COL25A1: variants seen among roughly 807,000 people sequenced by gnomAD.
COL25A1 encodes collagen alpha-1(XXV) chain.
A neutral mutation model predicts 128.4 loss-of-function variants in COL25A1; 103 were observed. The ratio of observed to expected loss-of-function variants is 0.80; its 90% confidence interval spans 0.68 to 0.94. COL25A1 has a LOEUF of 0.94. COL25A1 is among the 40% of genes least tolerant of loss of function. The probability of loss-of-function intolerance (pLI) is 0.00; values close to 1 mark genes in which losing one functional copy is unlikely to be tolerated. For missense variants in COL25A1, 745 were observed against 840.0 expected (o/e 0.89, Z 1.40); for synonymous variants, 279 against 277.2 (o/e 1.01, Z -0.06).
intron 3 of COL25A1, among the ~76,000 whole-genome samples, chr4:109,092,988 C>T (rs896065199): frequency 6.6e-6 from 1 of 151,940 alleles, no homozygotes; most frequent in Non-Finnish European, 1.5e-5. Flanking sequence ...AAAAATTTAC[C>T]TCTGCCAACT....
chr4:108,826,192 A>G (rs1026197477), intron 33 of COL25A1, among the ~76,000 whole-genome samples: 2 of 152,168 alleles, frequency 1.3e-5, no homozygotes, highest in Non-Finnish European at 2.9e-5. Context: ...AATTATTCCC[A>G]AGATGATATT....
intron 3 of COL25A1, among the ~76,000 whole-genome samples, chr4:109,245,991 C>T (rs1780231785): frequency 7.2e-6 from 1 of 138,818 alleles, no homozygotes; most frequent in South Asian, 2.3e-4. Flanking sequence ...GTAGAGGAAC[C>T]TCTAGTTGCT....
chr4:109,052,490 G>A (rs993719860), intron 3 of COL25A1, among the ~76,000 whole-genome samples: 1 of 152,120 alleles, frequency 6.6e-6, no homozygotes, highest in African/African-American at 2.4e-5. Context: ...GTTATGAGAA[G>A]ATGGAATCTA....
chr4:109,058,617 G>T (rs550666707), intron 3 of COL25A1, among the ~76,000 whole-genome samples: 1 of 152,208 alleles, frequency 6.6e-6, no homozygotes, highest in African/African-American at 2.4e-5. Context: ...ATTTATCAGA[G>T]ATTGAAATAA....
rs58157157 is a variant in COL25A1 at position 108,886,492 on chromosome 4, G to GTGTT, written c.976-2271_976-2270insAACA. ...TGTGTGTGTGTGTGTGTGTGTGTGT[G>GTGTT]TTTAGCTCATCAGCTATTTTATGTG... is the stretch of plus-strand genomic sequence containing the variant. On this transcript the variant is annotated intron_variant, in intron 18 of 37. Coordinates refer to ENST00000399132, the MANE Select transcript of COL25A1 (RefSeq NM_198721.4). Among the ~76,000 whole-genome samples the GTGTT allele has an allele frequency of 5.3e-3, 578 of 109,254 alleles. 25 individuals are homozygous for GTGTT. Among genetic ancestry groups the GTGTT allele is most frequent in the Middle Eastern group, 0.034 (8 of 232 alleles). The allele number at this position is 109,254 out of a possible 152,430, so 71.7% of individuals were successfully genotyped here. A position where few individuals can be genotyped will look rare whatever the true frequency, so the allele number is the denominator to read the frequency against.
At chr4:108,974,474 G>A in intron 7 of COL25A1, 59 bp downstream of exon 7, 7 of 1,605,134 alleles carry the variant, frequency 4.4e-6, no homozygotes, top group Non-Finnish European at 6.0e-6. Context: ...ATGTAACACA[G>A]TATAGGTCAC....
At position 109,243,008 on chromosome 4, in the gene COL25A1, C is replaced by T. The variant is rs1054805686; in HGVS notation, c.367+57575G>A. Among the ~76,000 whole-genome samples the T allele has an allele frequency of 3.3e-5, 5 of 152,036 alleles. No individual in the cohort carries two copies. In the East Asian group the frequency reaches 7.7e-4, roughly 23 times the overall value. ...TGCTGGACATTATATCTCCAGACTT[C>T]GTCATCCTACATATCTGCAACTTTA... is the stretch of plus-strand genomic sequence containing the variant. On this transcript the variant is annotated intron_variant, in intron 3 of 37. Coordinates refer to ENST00000399132, the MANE Select transcript of COL25A1 (RefSeq NM_198721.4).
rs191199035 is a variant in COL25A1, at chr4:109,195,603, C to T, written c.367+104980G>A. 1.7e-3 allele frequency among the ~76,000 whole-genome samples: 257 copies of T among 152,180 alleles called. 1 individual carries two copies. Among genetic ancestry groups the T allele is most frequent in the Non-Finnish European group, 2.7e-3 (182 of 67,992 alleles). ...GAGAACCAAGTTGAACATGAGTCAA[C>T]TTCTCATTACTAGACTCACCGAAGT... On this transcript the variant is annotated intron_variant, in intron 3 of 37. Coordinates refer to ENST00000399132, the MANE Select transcript of COL25A1 (RefSeq NM_198721.4).
chr4:108,938,717 C>A (rs943072792), intron 10 of COL25A1, among the ~76,000 whole-genome samples: 1 of 152,138 alleles, frequency 6.6e-6, no homozygotes, highest in Admixed American at 6.5e-5. Flanking sequence ...ATTAGCCAGG[C>A]ATGGTGGTGG....
At chr4:109,266,377 A>G (rs1273807598) in intron 3 of COL25A1, among the ~76,000 whole-genome samples, 1 of 152,206 alleles carries the variant, frequency 6.6e-6, no homozygotes, top group Admixed American at 6.5e-5. Flanking sequence ...AAGATGAATG[A>G]CCTTCAGAAA....
chr4:108,876,308 G>A (rs1298982148), intron 19 of COL25A1, among the ~76,000 whole-genome samples: 2 of 151,852 alleles, frequency 1.3e-5, no homozygotes, highest in African/African-American at 2.4e-5. Flanking sequence ...CAGGGAGGGA[G>A]GGAAGGAGAG....
intron 8 of COL25A1, among the ~76,000 whole-genome samples, chr4:108,949,952 G>A (rs1036750162): frequency 6.6e-6 from 1 of 152,222 alleles, no homozygotes; most frequent in Non-Finnish European, 1.5e-5. Flanking sequence ...ATTGGGATTA[G>A]AGCGGTAAAC....
intron 23 of COL25A1, among the ~76,000 whole-genome samples, chr4:108,860,558 T>C (rs953723185): frequency 2.0e-5 from 3 of 152,166 alleles, no homozygotes; most frequent in African/African-American, 7.2e-5. Flanking sequence ...TTTCCATTAG[T>C]CATGTCATAA....
At chr4:108,918,987 C>T (rs1361674092) in intron 12 of COL25A1, among the ~76,000 whole-genome samples, 1 of 152,202 alleles carries the variant, frequency 6.6e-6, no homozygotes, top group African/African-American at 2.4e-5. Flanking sequence ...CAAATATTTT[C>T]AAACAGTGAT....
At chr4:108,905,849 T>TGGGGGG (rs1553964863) in intron 13 of COL25A1, among the ~76,000 whole-genome samples, 1 of 97,536 alleles carries the variant, frequency 1.0e-5, no homozygotes, top group African/African-American at 4.7e-5. Context: ...GAGCAGTATG[T>TGGGGGG]CGGGGGGGGG....
chr4:109,279,520 G>T (rs1723167287), intron 3 of COL25A1, among the ~76,000 whole-genome samples: 2 of 152,126 alleles, frequency 1.3e-5, no homozygotes, highest in Admixed American at 1.3e-4. Flanking sequence ...AAGCAATAGT[G>T]AGCCCTGATT....
intron 20 of COL25A1, among the ~76,000 whole-genome samples, chr4:108,868,606 A>AAAAGAAAGAAAGAAAAAG (rs1738248514): frequency 6.8e-6 from 1 of 146,972 alleles, no homozygotes; most frequent in Admixed American, 6.8e-5. Context: ...GAAAGAAAGA[A>AAAAGAAAGAAAGAAAAAG]AAAGAAAGAA....
chr4:109,034,739 T>C (rs555270580), intron 5 of COL25A1, among the ~76,000 whole-genome samples: 1 of 152,346 alleles, frequency 6.6e-6, no homozygotes, highest in South Asian at 2.1e-4. Context: ...AAGTTTCAGC[T>C]ACAAGACAAT....
At chr4:108,860,825 A>T in intron 23 of COL25A1, 102 bp downstream of exon 23, 1 of 948,030 alleles carries the variant, frequency 1.1e-6, no homozygotes, top group Non-Finnish European at 1.7e-6. Flanking sequence ...TACTATTATT[A>T]AGTATTATTA....
Sources: gnomAD v4.1 joint callset for allele counts (sites outside exome capture counted in the v4.1 genomes callset) on GRCh38, gnomAD v4.1.1 for gene constraint, MANE v1.5 for transcripts, NCBI Gene and HGNC (gene_info 2026-07-23, HGNC 2026-07-21) for gene names.